The following TARBP2 variants were observed in gnomAD, a reference collection of about 807,000 sequenced individuals.
TARBP2 encodes the protein RISC-loading complex subunit TARBP2.
A neutral mutation model predicts 40.4 loss-of-function variants in TARBP2; 23 were observed. That is an observed-to-expected ratio of 0.57 (90% confidence interval 0.41 to 0.81). TARBP2 has a LOEUF of 0.81. Ranked by LOEUF, TARBP2 falls within the 30% of genes least tolerant of loss-of-function variation. TARBP2 has a pLI of 0.00. For synonymous variants in TARBP2, 183 were observed against 190.5 expected (o/e 0.96, Z 0.32); for missense variants, 358 against 473.7 (o/e 0.76, Z 2.27).
chr12:53,501,145 C>T (rs981369502), upstream of TARBP2: 1 of 548,742 alleles, frequency 1.8e-6, no homozygotes, highest in Non-Finnish European at 3.3e-6. Context: ...TCTCGAGAAG[C>T]GACGGCGGAG....
Position 53,503,784 on chromosome 12 carries a change from C to G in TARBP2, c.398C>G (p.Pro133Arg). 6.2e-7 allele frequency: 1 copy of G among 1,614,164 alleles called. No individual in the cohort carries two copies. Among genetic ancestry groups the G allele is most frequent in the Non-Finnish European group, 8.5e-7 (1 of 1,179,986 alleles). ...TTTACTGCTGCAGCAGCTGCTACCC[C>G]AGTTCCATCTGTAGTCCTAACCAGG... The part of the protein sequence containing the change: ...PVFTAAAAAT[P>R]VPSVVLTRSP... The change falls in exon 4 of 9, where the codon CCA becomes CGA. Residue 133 changes from proline (P) to arginine (R), a missense_variant. Around this residue, in one of 3 missense-constraint regions of TARBP2, gnomAD observed 317 missense variants for 422.9 expected, o/e 0.75. Coordinates refer to ENST00000266987, the MANE Select transcript of TARBP2 (RefSeq NM_134323.2).
chr12:53,503,360 C>G lies in TARBP2; in HGVS notation c.326+231C>G, dbSNP rs1451985034. The G allele has an allele frequency of 3.1e-6, 3 of 980,160 alleles. No individual in the cohort carries two copies. The East Asian group carries it at 8.8e-5, about 29-fold the overall frequency. The allele number at this position is 980,160 out of a possible 1,614,324, so 60.7% of individuals were successfully genotyped here. A position where few individuals can be genotyped will look rare whatever the true frequency, so the allele number is the denominator to read the frequency against. ...AGGGGTTGTGGCAGTAGGTTGGGGC[C>G]TGGGTTAGGGAGGGAGAGGGGTAGA... On this transcript the variant is annotated intron_variant, in intron 3 of 8. Transcript: ENST00000266987.
Position 53,503,097 on chromosome 12 carries a change from G to A in TARBP2, c.294G>A (p.Gly98=), listed in dbSNP as rs1361367468. 1.9e-6 allele frequency: 3 copies of A among 1,550,558 alleles called. No individual in the cohort carries two copies. The highest frequency in any genetic ancestry group is 1.2e-5 in the South Asian group (1 of 83,874). The change falls in exon 3 of 9, where the codon GGG becomes GGA. Residue 98 remains glycine (G), a synonymous_variant. Transcript: ENST00000266987. Reference sequence around the variant, plus strand: ...TGGCCCTCAAACACCTCAAAGGGGGGAGCATGCTGGAGCCGGCCCTGGAGG... The same window carrying A: ...TGGCCCTCAAACACCTCAAAGGGGGAAGCATGCTGGAGCCGGCCCTGGAGG... ...AEVALKHLKG[G]SMLEPALEDS... is the part of the protein sequence containing the mutation.
intron 3 of TARBP2, chr12:53,503,460 T>A: frequency 1.7e-6 from 1 of 573,838 alleles, no homozygotes; most frequent in South Asian, 2.2e-5. Context: ...CACGCGCAGG[T>A]TGGAGTTTGT....
In TARBP2 at chr12:53,501,305, A is replaced by G. The variant is rs1193174332; in HGVS notation, c.-104A>G. The G allele has an allele frequency of 1.5e-6, 2 of 1,356,760 alleles. No homozygotes were observed. The highest frequency in any genetic ancestry group is 2.0e-6 in the Non-Finnish European group (2 of 987,664). 84.0% of individuals were successfully genotyped at this position (1,356,760 alleles called of 1,614,324 possible). ...CCCAGCGTGCCCCGCGGCGGGCCCT[A>G]CCGGCCGCGACTCCGGGCTTGGCCC... On this transcript the variant is annotated 5_prime_UTR_variant, in exon 1 of 9. Transcript: ENST00000266987.
Position 53,501,434 on chromosome 12 carries a change from G to T in TARBP2, c.26G>T (p.Gly9Val), listed in dbSNP as rs533321752. 2 of 1,568,986 alleles carry T rather than the reference G, an allele frequency of 1.3e-6. No individual in the cohort carries two copies. MSEEEQGS[G>V]TTTGCGLPSI... is the part of the protein sequence containing the mutation. ...ATGAGTGAAGAGGAGCAAGGCTCCG[G>T]CACTACCACGGGCTGCGGGCTGCCT... Residue 9 changes from glycine (G) to valine (V), a missense_variant, in exon 1 of 9, where the codon GGC (glycine) becomes GTC (valine). Transcript: ENST00000266987.
At chr12:53,501,554 G>A in intron 1 of TARBP2, 93 bp downstream of exon 1, 1 of 1,527,032 alleles carries the variant, frequency 6.5e-7, no homozygotes, top group African/African-American at 1.4e-5. Flanking sequence ...CTGGCCTGAG[G>A]GTTGTTCCCG....
chr12:53,504,415 GCAGCCCCCTGTCTCCC>G lies in TARBP2; in HGVS notation c.443_458del (p.Gln148LeufsTer28). On this transcript the variant is annotated frameshift_variant, in exon 5 of 9. Coordinates refer to ENST00000266987, the MANE Select transcript of TARBP2 (RefSeq NM_134323.2). LOFTEE classifies it high-confidence loss of function. ...CCTTCAGGAGCCCCCCCATGGAACT[GCAGCCCCCTGTCTCCC>G]CTCAGCAGTCTGAGTGCAACCCCGT... 1 of 1,602,870 alleles carries G rather than the reference GCAGCCCCCTGTCTCCC, an allele frequency of 6.2e-7. No homozygotes were observed. The highest frequency in any genetic ancestry group is 8.5e-7 in the Non-Finnish European group (1 of 1,174,992).
Position 53,505,887 on chromosome 12 carries a change from G to C in TARBP2, c.943+37G>C, listed in dbSNP as rs752759612. Reference sequence around the variant, plus strand: ...TGGGGAGCGAGCCAGGGGATGGTGGGGGCTGGACCGGAGCAAGTAGAAGGG... The same window carrying C: ...TGGGGAGCGAGCCAGGGGATGGTGGCGGCTGGACCGGAGCAAGTAGAAGGG... On this transcript the variant is annotated intron_variant, in intron 8 of 8. Coordinates refer to ENST00000266987, the MANE Select transcript of TARBP2 (RefSeq NM_134323.2). The surrounding 1 kb of genome is among the most constrained non-coding windows in gnomAD (Gnocchi z 4.5). 4 of 1,608,504 alleles carry C rather than the reference G, an allele frequency of 2.5e-6. No homozygotes were observed. The East Asian group carries it at 8.9e-5, about 36-fold the overall frequency.
chr12:53,501,155 G>A, upstream of TARBP2: 2 of 553,576 alleles, frequency 3.6e-6, no homozygotes, highest in Non-Finnish European at 6.4e-6. Context: ...CGACGGCGGA[G>A]GGCCCGCTCC....
intron 1 of TARBP2, 69 bp downstream of exon 1, chr12:53,501,530 G>A: frequency 3.9e-6 from 6 of 1,546,550 alleles, no homozygotes; most frequent in Non-Finnish European, 5.2e-6. Context: ...TAGCGGCGCG[G>A]CCCCAGCATG....
At chr12:53,503,560 C>T (rs925750771) in intron 3 of TARBP2, 153 bp from the exon 4 acceptor site, 16 of 628,152 alleles carry the variant, frequency 2.5e-5, no homozygotes, top group African/African-American at 7.3e-5. Flanking sequence ...GCAAAGGATC[C>T]GAGGAGGAAG....
Position 53,501,821 on chromosome 12 carries a change from C to T in TARBP2, c.54-194C>T, listed in dbSNP as rs1943725767. The T allele has an allele frequency of 2.3e-6, 3 of 1,316,068 alleles. No individual in the cohort carries two copies. In the African/African-American group the frequency reaches 4.5e-5, roughly 20 times the overall value. The allele number at this position is 1,316,068 out of a possible 1,614,324, so 81.5% of individuals were successfully genotyped here. On this transcript the variant is annotated intron_variant, in intron 1 of 8. Coordinates refer to ENST00000266987, the MANE Select transcript of TARBP2 (RefSeq NM_134323.2). Reference sequence around the variant, plus strand: ...GAGGCAGGAGCAATGCATTCTTCCCCCCTTGCTTTGGGGTAGTGGGCCCTA... The same window carrying T: ...GAGGCAGGAGCAATGCATTCTTCCCTCCTTGCTTTGGGGTAGTGGGCCCTA...
intron 1 of TARBP2, chr12:53,501,814 T>TCTTC (rs1943724306): frequency 1.5e-6 from 2 of 1,317,226 alleles, no homozygotes; most frequent in African/African-American, 3.1e-5. Flanking sequence ...AGCAATGCAT[T>TCTTC]CTTCCCCCCT....
In TARBP2 at chr12:53,505,030, C is replaced by T; in HGVS notation, c.614-105C>T. The T allele has an allele frequency of 6.6e-7, 1 of 1,526,528 alleles. No homozygotes were observed. Among genetic ancestry groups the T allele is most frequent in the Non-Finnish European group, 8.8e-7 (1 of 1,131,184 alleles). 94.6% of individuals were successfully genotyped at this position (1,526,528 alleles called of 1,614,324 possible). A position where few individuals can be genotyped will look rare whatever the true frequency, so the allele number is the denominator to read the frequency against. ...GTGCATGGGCAGGTCTTGAGTTCCC[C>T]TTTCCAGTTGACATTCTGGGGGGAC... On this transcript the variant is annotated intron_variant, in intron 6 of 8. Transcript: ENST00000266987. The surrounding 1 kb of genome is among the most constrained non-coding windows in gnomAD (Gnocchi z 4.5).
chr12:53,504,650 G>A (rs772506668), intron 5 of TARBP2, 48 bp from the exon 6 acceptor site: 2 of 1,614,072 alleles, frequency 1.2e-6, no homozygotes, highest in Admixed American at 3.3e-5. Context: ...GTGGGTGTGA[G>A]AAGCCTTTTT....
chr12:53,504,852 C>A, intron 6 of TARBP2, 37 bp downstream of exon 6: 1 of 1,607,388 alleles, frequency 6.2e-7, no homozygotes, highest in Non-Finnish European at 8.5e-7. Flanking sequence ...AACTCCTCTC[C>A]CGCAGCACTC....
intron 2 of TARBP2, 47 bp downstream of exon 2, chr12:53,502,231 C>G (rs766840865): frequency 6.2e-7 from 1 of 1,603,988 alleles, no homozygotes; most frequent in African/African-American, 1.3e-5. Flanking sequence ...TTTGCAGGTC[C>G]CCATGGCTTT....
chr12:53,504,064 G>T, intron 4 of TARBP2: 1 of 586,942 alleles, frequency 1.7e-6, no homozygotes, highest in Non-Finnish European at 3.0e-6. Context: ...TTTTCTTCTG[G>T]GTTGACCACA....
Sources: allele counts gnomAD v4.1 joint callset, GRCh38; gene constraint gnomAD v4.1.1; regional missense constraint gnomAD v4.1.1; non-coding constraint Gnocchi (gnomAD v3.1); transcripts MANE v1.5; gene names NCBI Gene and HGNC (gene_info 2026-07-23, HGNC 2026-07-21).